CLK1: variants seen among roughly 807,000 people sequenced by gnomAD.
CLK1 encodes CDC like kinase 1, also known as dual specificity protein kinase CLK1.
In CLK1, 40 loss-of-function variants were observed where a neutral mutation model predicts 60.9. The observed-to-expected ratio is 0.66, with a 90% CI of 0.51 to 0.86. CLK1 has a LOEUF of 0.86. Among genes scored for constraint, CLK1 ranks in the 40% least tolerant of loss-of-function variants. CLK1 has a pLI of 0.00. For synonymous variants in CLK1, 203 were observed against 184.4 expected, an observed-to-expected ratio of 1.10 and a Z score of -0.82; for missense variants, 563 against 606.1, an observed-to-expected ratio of 0.93 and a Z score of 0.75.
chr2:200,858,249 T>C, intron 5 of CLK1, 160 bp from the exon 6 acceptor site: 4 of 632,316 alleles, frequency 6.3e-6, no homozygotes, highest in South Asian at 5.6e-5. Flanking sequence ...TGACACAAAT[T>C]TCTTTCATCA....
chr2:200,864,619 G>C lies in CLK1; in HGVS notation c.-56C>G. The C allele has an allele frequency of 5.6e-6, 1 of 178,080 alleles. No individual in the cohort carries two copies. Among genetic ancestry groups the C allele is most frequent in the Non-Finnish European group, 1.2e-5 (1 of 84,588 alleles). 11.0% of individuals were successfully genotyped at this position (178,080 alleles called of 1,614,324 possible). A position where few individuals can be genotyped will look rare whatever the true frequency, so the allele number is the denominator to read the frequency against. On this transcript the variant is annotated 5_prime_UTR_variant, in exon 1 of 13. Coordinates refer to ENST00000321356, the MANE Select transcript of CLK1 (RefSeq NM_004071.4). ...GACAAAGCTTGTAACGCAATCACGG[G>C]AATCACGCAGCTGACTGCGTCGCGC...
chr2:200,857,586 A>C (rs2039064329), intron 7 of CLK1, 132 bp downstream of exon 7: 1 of 708,106 alleles, frequency 1.4e-6, no homozygotes, highest in South Asian at 2.3e-5. Flanking sequence ...GCCTGTAATC[A>C]AATCTCTTCA....
At chr2:200,856,466 T>C (rs1186764666) in intron 9 of CLK1, among the ~76,000 whole-genome samples, 4 of 152,160 alleles carry the variant, frequency 2.6e-5, no homozygotes, top group Non-Finnish European at 1.5e-5. Context: ...ATATTACAAA[T>C]GTGAAAACAA....
chr2:200,854,086 TTTC>T, intron 11 of CLK1, 93 bp from the exon 12 acceptor site: 1 of 761,138 alleles, frequency 1.3e-6, no homozygotes. Context: ...CCAGATCACT[TTTC>T]TAGAGATTTA....
intron 3 of CLK1, chr2:200,860,712 G>T: frequency 1.0e-6 from 1 of 998,786 alleles, no homozygotes; most frequent in African/African-American, 1.7e-5. Context: ...TGGCATACAA[G>T]AATAACACTA....
chr2:200,860,473 A>C, intron 3 of CLK1: 1 of 1,211,396 alleles, frequency 8.3e-7, no homozygotes, highest in Non-Finnish European at 1.0e-6. Context: ...AGGCAACAAA[A>C]CATAATACAA....
Position 200,853,441 on chromosome 2 carries a change from C to T in CLK1, c.1320G>A (p.Met440Ile). ...SRRCKPLKEF[M>I]LSQDVEHERL... is the part of the protein sequence containing the mutation. ...GCTCATGTTCAACATCTTGAGAAAG[C>T]ATAAATTCCTGGAAGAAAAAAAGAA... The change falls in exon 13 of 13, where the codon ATG (methionine) becomes ATA (isoleucine). Residue 440 changes from methionine to isoleucine, a missense_variant. By Grantham distance (10) the Met-to-Ile change is conservative. This residue lies in a region of CLK1 where 360 missense variants were observed against 407.0 expected (regional missense o/e 0.88). Coordinates refer to ENST00000321356, the MANE Select transcript of CLK1 (RefSeq NM_004071.4). 1 of 1,602,014 alleles carries T rather than the reference C, an allele frequency of 6.2e-7. No homozygotes were observed.
intron 4 of CLK1, 22 bp downstream of exon 4, chr2:200,860,103 A>G: frequency 6.2e-7 from 1 of 1,609,542 alleles, no homozygotes; most frequent in Non-Finnish European, 8.5e-7. Context: ...AAAGTTAATA[A>G]GTGTTGAAAA....
intron 3 of CLK1, chr2:200,860,993 C>G: frequency 7.8e-7 from 1 of 1,289,846 alleles, no homozygotes; most frequent in African/African-American, 1.5e-5. Flanking sequence ...TAAATTAAAT[C>G]AATTAACTCC....
intron 6 of CLK1, 27 bp from the exon 7 acceptor site, chr2:200,857,911 T>G (rs1265107905): frequency 1.9e-6 from 3 of 1,612,072 alleles, no homozygotes; most frequent in Non-Finnish European, 2.5e-6. Flanking sequence ...AATAGCTAAG[T>G]ATAGTTGCTC....
intron 5 of CLK1, among the ~76,000 whole-genome samples, chr2:200,858,650 T>C (rs888263088): frequency 6.6e-5 from 10 of 151,712 alleles, no homozygotes; most frequent in East Asian, 1.9e-4. Context: ...TGAGCCAAGA[T>C]TGCACCACTG....
chr2:200,860,978 T>C (rs1195705455), intron 3 of CLK1: 13 of 1,236,708 alleles, frequency 1.1e-5, no homozygotes. Flanking sequence ...AATTTTCAAC[T>C]AATCTAAATT....
intron 2 of CLK1, 77 bp from the exon 3 acceptor site, chr2:200,861,543 G>C: frequency 6.4e-7 from 1 of 1,571,722 alleles, no homozygotes; most frequent in Non-Finnish European, 8.6e-7. Context: ...ACAGCACCTA[G>C]ACTCCCCCAC....
intron 3 of CLK1, chr2:200,860,532 CAT>C (rs1158002427): frequency 1.9e-5 from 20 of 1,066,944 alleles, no homozygotes; most frequent in Admixed American, 5.0e-5. Flanking sequence ...TTCACTGAAA[CAT>C]AATTTTTTAG....
chr2:200,854,939 T>C, intron 10 of CLK1, 65 bp downstream of exon 10: 1 of 1,220,024 alleles, frequency 8.2e-7, no homozygotes, highest in Admixed American at 2.1e-5. Context: ...AGCAAAAGTA[T>C]TTATTCATAT....
intron 7 of CLK1, chr2:200,857,361 A>G (rs1445920811): frequency 3.8e-6 from 1 of 262,714 alleles, no homozygotes; most frequent in Non-Finnish European, 7.3e-6. Flanking sequence ...AGAATGGTCA[A>G]CATTCCAGTC....
At chr2:200,854,945 C>A in intron 10 of CLK1, 59 bp downstream of exon 10, 1 of 1,286,794 alleles carries the variant, frequency 7.8e-7, no homozygotes, top group Non-Finnish European at 1.1e-6. Flanking sequence ...AGTATTTATT[C>A]ATATAAACAG....
chr2:200,861,117 G>C, intron 3 of CLK1, 121 bp downstream of exon 3: 1 of 1,484,118 alleles, frequency 6.7e-7, no homozygotes, highest in Non-Finnish European at 8.9e-7. Flanking sequence ...AAAAAATCCT[G>C]CAGGTTAAAA....
In CLK1 at chr2:200,862,567, CT is replaced by C. The variant is rs1369677392; in HGVS notation, c.1-706del. 3.3e-5 allele frequency among the ~76,000 whole-genome samples: 5 copies of C among 152,322 alleles called. No individual in the cohort carries two copies. The South Asian group carries it at 1.0e-3, about 32-fold the overall frequency. On this transcript the variant is annotated intron_variant, in intron 1 of 12. Transcript: ENST00000321356. Reference sequence around the variant, plus strand: ...AAGAACTAATGATAATCCCACCACCCTTTGCCGACTCCTTTTTCTGACTCAG... The same window carrying C: ...AAGAACTAATGATAATCCCACCACCCTTGCCGACTCCTTTTTCTGACTCAG...
Sources: allele counts gnomAD v4.1 joint callset (sites outside exome capture counted in the v4.1 genomes callset), GRCh38; gene constraint gnomAD v4.1.1; regional missense constraint gnomAD v4.1.1; transcripts MANE v1.5; gene names NCBI Gene and HGNC (gene_info 2026-07-23, HGNC 2026-07-21).